The following PDE4B variants were observed in gnomAD, a reference collection of about 807,000 sequenced individuals.
The protein encoded by PDE4B is phosphodiesterase 4B.
PDE4B carries 20 observed loss-of-function variants against 82.2 expected under a neutral mutation model. The observed-to-expected ratio is 0.24, with a 90% confidence interval of 0.17 to 0.35. The LOEUF (loss-of-function observed/expected upper bound fraction) is 0.35, where lower values mean the gene tolerates loss of function less well. PDE4B is among the 10% of genes least tolerant of loss of function. The probability of loss-of-function intolerance (pLI) is 1.00; values close to 1 mark genes in which losing one functional copy is unlikely to be tolerated. For missense variants in PDE4B, 655 were observed against 907.2 expected (o/e 0.72, Z 3.57); for synonymous variants, 320 against 318.9 (o/e 1.00, Z -0.04).
In PDE4B at chr1:66,073,806, T is replaced by C. The variant is rs553886482; in HGVS notation, c.281+154971T>C. ...ACTTAGCCTAGTTTCAGATGCTGCC[T>C]CTAAGGACATTAACAAACAAGAATG... On this transcript the variant is annotated intron_variant, in intron 3 of 16. Transcript: ENST00000341517. 1.6e-4 allele frequency among the ~76,000 whole-genome samples: 24 copies of C among 152,246 alleles called. No homozygotes were observed. In the South Asian group the frequency reaches 2.3e-3, roughly 14 times the overall value.
intron 3 of PDE4B, among the ~76,000 whole-genome samples, chr1:65,943,844 T>A (rs1482319215): frequency 2.6e-5 from 4 of 152,062 alleles, no homozygotes; most frequent in Non-Finnish European, 5.9e-5. Flanking sequence ...TTTTATATAC[T>A]GAAACTTTAC....
At chr1:66,022,782 G>A (rs1452920607) in intron 3 of PDE4B, among the ~76,000 whole-genome samples, 1 of 151,886 alleles carries the variant, frequency 6.6e-6, no homozygotes, top group Non-Finnish European at 1.5e-5. Context: ...TTTTTGTTGT[G>A]TCTCTGCCAG....
chr1:65,943,646 C>T (rs1369202471), intron 3 of PDE4B, among the ~76,000 whole-genome samples: 41 of 151,804 alleles, frequency 2.7e-4, no homozygotes, highest in Admixed American at 6.6e-5. Context: ...TAGATTCCCT[C>T]TCCATATATC....
At position 66,198,144 on chromosome 1, in the gene PDE4B, A is replaced by G. The variant is rs140907108; in HGVS notation, c.282-49316A>G. On this transcript the variant is annotated intron_variant, in intron 3 of 16. Transcript: ENST00000341517. ...TACTAATGTTAATTTGAATCTGGAG[A>G]CTTAAGATCAAACCAAGCGGCTAAT... Among the ~76,000 whole-genome samples the G allele has an allele frequency of 4.6e-4, 70 of 152,188 alleles. No homozygotes were observed. The East Asian group carries it at 0.013, about 29-fold the overall frequency.
intron 3 of PDE4B, among the ~76,000 whole-genome samples, chr1:65,972,538 G>A (rs982691301): frequency 1.3e-5 from 2 of 152,130 alleles, no homozygotes; most frequent in African/African-American, 4.8e-5. Context: ...ATCTGGATTA[G>A]CTTTCTTTGA....
At chr1:65,908,598 T>C (rs1220822055) in intron 1 of PDE4B, among the ~76,000 whole-genome samples, 35 of 152,130 alleles carry the variant, frequency 2.3e-4, no homozygotes, top group Admixed American at 2.3e-3. Context: ...CAAGGATGCT[T>C]GAGCTTATTC....
At chr1:65,794,053 G>C (rs1215243174) in intron 1 of PDE4B, among the ~76,000 whole-genome samples, 1 of 152,176 alleles carries the variant, frequency 6.6e-6, no homozygotes, top group Non-Finnish European at 1.5e-5. Context: ...ATATGTGTGT[G>C]TGTGTGTCTG....
intron 1 of PDE4B, among the ~76,000 whole-genome samples, chr1:65,864,900 G>C (rs1409296116): frequency 6.6e-6 from 1 of 152,186 alleles, no homozygotes; most frequent in Admixed American, 6.5e-5. Context: ...ACCGTGCTGG[G>C]AGAATCCACC....
chr1:66,118,086 T>A (rs950149156), intron 3 of PDE4B, among the ~76,000 whole-genome samples: 1 of 152,170 alleles, frequency 6.6e-6, no homozygotes, highest in Admixed American at 6.5e-5. Flanking sequence ...TTTTCATGTG[T>A]CTTTTGGCTG....
Position 65,890,408 on chromosome 1 carries a change from T to C in PDE4B, c.-70-22837T>C, listed in dbSNP as rs76854957. Among the ~76,000 whole-genome samples, 1,364 of 152,158 alleles carry C rather than the reference T, an allele frequency of 9.0e-3. 22 individuals carry two copies. The highest frequency in any genetic ancestry group is 0.03 in the African/African-American group (1,262 of 41,540). On this transcript the variant is annotated intron_variant, in intron 1 of 16. Coordinates refer to ENST00000341517, the MANE Select transcript of PDE4B (RefSeq NM_002600.4). ...GGAATTCTGGAGATTAATCAGTGGA[T>C]AAACAGACTTTATAGCAGATGAATA...
At chr1:66,030,053 A>C (rs951776823) in intron 3 of PDE4B, among the ~76,000 whole-genome samples, 2 of 57,824 alleles carry the variant, frequency 3.5e-5, no homozygotes, top group Non-Finnish European at 3.6e-5. Flanking sequence ...TTTTTTTTTT[A>C]TCATGAAGGG....
intron 3 of PDE4B, among the ~76,000 whole-genome samples, chr1:66,003,064 T>A (rs1651952134): frequency 6.6e-6 from 1 of 151,282 alleles, no homozygotes; most frequent in African/African-American, 2.4e-5. Context: ...CAGGAACTAG[T>A]TTTTTTTTAT....
chr1:66,060,253 G>GA (rs1189734005), intron 3 of PDE4B, among the ~76,000 whole-genome samples: 1 of 152,238 alleles, frequency 6.6e-6, no homozygotes, highest in African/African-American at 2.4e-5. Flanking sequence ...AAATGTTCTT[G>GA]ACTATTACTA....
intron 1 of PDE4B, among the ~76,000 whole-genome samples, chr1:65,833,378 G>A (rs1488353064): frequency 2.0e-5 from 3 of 152,200 alleles, no homozygotes; most frequent in Non-Finnish European, 2.9e-5. Context: ...AGGCGTCTGA[G>A]GTCCTTGTGC....
At chr1:65,869,792 C>T (rs1421361047) in intron 1 of PDE4B, among the ~76,000 whole-genome samples, 1 of 68,794 alleles carries the variant, frequency 1.5e-5, no homozygotes, top group African/African-American at 5.5e-5. Context: ...TTGGCTATAC[C>T]ATGTTTTTTT....
chr1:65,800,010 A>T (rs555242054), intron 1 of PDE4B, among the ~76,000 whole-genome samples: 1 of 152,176 alleles, frequency 6.6e-6, no homozygotes, highest in African/African-American at 2.4e-5. Flanking sequence ...TTTAAAACCA[A>T]TTTCACCTAT....
At chr1:65,961,539 A>G (rs139486666) in intron 3 of PDE4B, among the ~76,000 whole-genome samples, 15 of 152,274 alleles carry the variant, frequency 9.9e-5, no homozygotes, top group Admixed American at 5.2e-4. Context: ...GCCATGTGCT[A>G]TATTTGTCCT....
intron 3 of PDE4B, chr1:66,042,396 T>C (rs1654435872): frequency 6.6e-6 from 1 of 151,800 alleles, no homozygotes; most frequent in Non-Finnish European, 1.5e-5. Context: ...GTCCAATATA[T>C]CTTAATATAC....
At chr1:66,344,017 T>C (rs1661214359) in intron 8 of PDE4B, among the ~76,000 whole-genome samples, 1 of 152,202 alleles carries the variant, frequency 6.6e-6, no homozygotes, top group Non-Finnish European at 1.5e-5. Flanking sequence ...ACTCTGGATC[T>C]CTCACTCATA....
Sources: gnomAD v4.1 joint callset for allele counts (sites outside exome capture counted in the v4.1 genomes callset) on GRCh38, gnomAD v4.1.1 for gene constraint, MANE v1.5 for transcripts, NCBI Gene and HGNC (gene_info 2026-07-23, HGNC 2026-07-21) for gene names.